The following SLC7A9 variants were observed in gnomAD, a reference collection of about 807,000 sequenced individuals.
The protein encoded by SLC7A9 is B(0,+)-type amino acid transporter 1.
SLC7A9 carries 38 observed loss-of-function variants against 54.1 expected under a neutral mutation model. The ratio of observed to expected loss-of-function variants is 0.70; its 90% CI spans 0.54 to 0.92. The LOEUF (loss-of-function observed/expected upper bound fraction) is 0.92, where lower values mean the gene tolerates loss of function less well. Among genes scored for constraint, SLC7A9 ranks in the 40% least tolerant of loss-of-function variants. The pLI, the probability that SLC7A9 is intolerant of heterozygous loss-of-function variation, is 0.00. For missense variants in SLC7A9, 537 were observed against 636.1 expected (o/e 0.84, Z 1.68); for synonymous variants, 264 against 258.9 (o/e 1.02, Z -0.19).
At chr19:32,831,695 A>G (rs1222724955) in intron 12 of SLC7A9, among the ~76,000 whole-genome samples, 1 of 152,230 alleles carries the variant, frequency 6.6e-6, no homozygotes, top group Non-Finnish European at 1.5e-5. Flanking sequence ...AAACTTTTAA[A>G]CAACTGTCCT....
At position 32,864,216 on chromosome 19, in the gene SLC7A9, T is replaced by G; in HGVS notation, c.358A>C (p.Ile120Leu). The change falls in exon 4 of 13, where the codon ATT becomes CTT. Residue 120 changes from isoleucine (I) to leucine (L), a missense_variant. By Grantham distance (5) the Ile-to-Leu change is conservative. Coordinates refer to ENST00000023064, the MANE Select transcript of SLC7A9 (RefSeq NM_014270.5). ...ATGATGGCGAAGGACGTGGGCTTAA[T>G]GACGATCAGGCTGGCCCAGGAGAAG... ...YLFSWASLIV[I>L]KPTSFAIICL... 1 of 1,614,180 alleles carries G rather than the reference T, an allele frequency of 6.2e-7. No homozygotes were observed. The highest frequency in any genetic ancestry group is 8.5e-7 in the Non-Finnish European group (1 of 1,180,010).
chr19:32,864,158 G>A lies in SLC7A9; in HGVS notation c.416C>T (p.Pro139Leu). Residue 139 changes from proline (P) to leucine (L), a missense_variant, in exon 4 of 13, where the codon CCC becomes CTC. Coordinates refer to ENST00000023064, the MANE Select transcript of SLC7A9 (RefSeq NM_014270.5). ...CLSFSEYVCA[P>L]FYVGCKPPQI... ...AGGAGGCTTGCAGCCCACATAGAAGGGCGCACACACATACTCGGAGAAGCT... is the reference window on the plus strand; with the variant it reads ...AGGAGGCTTGCAGCCCACATAGAAGAGCGCACACACATACTCGGAGAAGCT... 6.2e-7 allele frequency: 1 copy of A among 1,614,192 alleles called. No homozygotes were observed. Among genetic ancestry groups the A allele is most frequent in the Non-Finnish European group, 8.5e-7 (1 of 1,180,022 alleles).
At chr19:32,835,988 C>T (rs1388620108) in intron 11 of SLC7A9, among the ~76,000 whole-genome samples, 2 of 152,054 alleles carry the variant, frequency 1.3e-5, no homozygotes, top group African/African-American at 2.4e-5. Context: ...AATCTCGGCT[C>T]ACTGCAACCT....
intron 2 of SLC7A9, among the ~76,000 whole-genome samples, chr19:32,865,892 C>T (rs1242885716): frequency 6.6e-6 from 1 of 151,474 alleles, no homozygotes; most frequent in Admixed American, 6.6e-5. Flanking sequence ...ATCTCTTGAA[C>T]CCATGAGGCA....
intron 7 of SLC7A9, chr19:32,860,343 G>T (rs1968761805): frequency 7.3e-7 from 1 of 1,369,352 alleles, no homozygotes; most frequent in Non-Finnish European, 9.5e-7. Context: ...AATCTCTTGA[G>T]GTTGGGAGTT....
At chr19:32,868,248 A>AAG (rs1555785934) in intron 2 of SLC7A9, among the ~76,000 whole-genome samples, 200 bp downstream of exon 2, 3 of 145,296 alleles carry the variant, frequency 2.1e-5, no homozygotes, top group East Asian at 2.1e-4. Flanking sequence ...AAAAAAAAAA[A>AAG]AAGAAGATGC....
In SLC7A9 at chr19:32,860,765, C is replaced by A. The variant is rs537325259; in HGVS notation, c.705-115G>T. The stretch of plus-strand genomic sequence containing the variant: ...ATTCTCTACCAGAGAAAAAAATTCT[C>A]CTGCAGGAATTCCAGGTGAATTTTT... On this transcript the variant is annotated intron_variant, in intron 6 of 12. Transcript: ENST00000023064. 5 of 1,421,732 alleles carry A rather than the reference C, an allele frequency of 3.5e-6. No individual in the cohort carries two copies. In the East Asian group the frequency reaches 7.3e-5, roughly 21 times the overall value. 88.1% of individuals were successfully genotyped at this position (1,421,732 alleles called of 1,614,324 possible).
intron 9 of SLC7A9, among the ~76,000 whole-genome samples, chr19:32,844,290 A>T (rs188016238): frequency 3.3e-5 from 5 of 152,290 alleles, no homozygotes; most frequent in South Asian, 2.1e-4. Context: ...AACTTTAAAA[A>T]TTTTTTAAAT....
At chr19:32,866,802 C>T (rs1229151600) in intron 2 of SLC7A9, among the ~76,000 whole-genome samples, 5 of 152,156 alleles carry the variant, frequency 3.3e-5, no homozygotes, top group African/African-American at 4.8e-5. Context: ...TGGTGCCGTC[C>T]CTCCTCCATC....
intron 9 of SLC7A9, among the ~76,000 whole-genome samples, chr19:32,844,584 C>T (rs915500307): frequency 3.3e-5 from 5 of 152,240 alleles, no homozygotes; most frequent in African/African-American, 1.2e-4. Context: ...GTAATCCCAG[C>T]ACTGGGAGAC....
chr19:32,843,720 C>G, intron 10 of SLC7A9, 135 bp downstream of exon 10: 1 of 703,482 alleles, frequency 1.4e-6, no homozygotes, highest in Non-Finnish European at 2.6e-6. Flanking sequence ...TTTCACTTGT[C>G]CTGGGACTCT....
At chr19:32,838,819 CAT>C (rs1363552354) in intron 11 of SLC7A9, among the ~76,000 whole-genome samples, 3 of 148,692 alleles carry the variant, frequency 2.0e-5, no homozygotes, top group South Asian at 2.1e-4. Flanking sequence ...CTATTATACA[CAT>C]ATATTACATA....
chr19:32,866,993 G>T (rs1464167719), intron 2 of SLC7A9, among the ~76,000 whole-genome samples: 1 of 152,172 alleles, frequency 6.6e-6, no homozygotes, highest in African/African-American at 2.4e-5. Flanking sequence ...GCAGTGTGCT[G>T]TGTTGAGCTC....
In SLC7A9 at chr19:32,855,318, G is replaced by T. The variant is rs979527520; in HGVS notation, c.977+3122C>A. On this transcript the variant is annotated intron_variant, in intron 9 of 12. Transcript: ENST00000023064. ...GATAAGACAGATAAGCTACAAGCCC[G>T]CCTTTCTTCATGGTCCAGGACACAT... Among the ~76,000 whole-genome samples the T allele has an allele frequency of 5.9e-5, 9 of 152,194 alleles. No homozygotes were observed. In the South Asian group the frequency reaches 1.9e-3, roughly 32 times the overall value.
intron 9 of SLC7A9, among the ~76,000 whole-genome samples, chr19:32,855,515 C>T (rs550453363): frequency 2.0e-4 from 30 of 152,090 alleles, no homozygotes; most frequent in East Asian, 3.9e-4. Context: ...CTGGCAAACA[C>T]GGTGAAACCC....
At chr19:32,862,439 G>C (rs536782054) in intron 5 of SLC7A9, 22 bp downstream of exon 5, 6 of 1,612,380 alleles carry the variant, frequency 3.7e-6, no homozygotes, top group Non-Finnish European at 3.4e-6. Flanking sequence ...GCCCGTGCAG[G>C]GCCCACCCTC....
At chr19:32,837,537 C>T (rs1272781938) in intron 11 of SLC7A9, among the ~76,000 whole-genome samples, 1 of 146,314 alleles carries the variant, frequency 6.8e-6, no homozygotes, top group Non-Finnish European at 1.5e-5. Flanking sequence ...AAATTCCCAA[C>T]CAAAAAACAG....
intron 11 of SLC7A9, among the ~76,000 whole-genome samples, chr19:32,840,792 T>C (rs1386972300): frequency 6.6e-6 from 1 of 152,166 alleles, no homozygotes; most frequent in Non-Finnish European, 1.5e-5. Context: ...TCCTCTGATC[T>C]TCCCACTGAG....
intron 11 of SLC7A9, among the ~76,000 whole-genome samples, chr19:32,836,764 G>A (rs935065775): frequency 7.9e-5 from 12 of 152,100 alleles, no homozygotes; most frequent in African/African-American, 2.9e-4. Context: ...TTTCTGCTTC[G>A]TAAAGATGGT....
Sources: gnomAD v4.1 joint callset for allele counts (sites outside exome capture counted in the v4.1 genomes callset) on GRCh38, gnomAD v4.1.1 for gene constraint, MANE v1.5 for transcripts, NCBI Gene and HGNC (gene_info 2026-07-23, HGNC 2026-07-21) for gene names.